SDK2: variants seen among roughly 807,000 people sequenced by gnomAD.
SDK2 encodes the protein protein sidekick-2.
A neutral mutation model predicts 253.9 loss-of-function variants in SDK2; 105 were observed. That is an observed-to-expected ratio of 0.41 (90% confidence interval 0.35 to 0.49). SDK2 has a LOEUF of 0.49. Among genes scored for constraint, SDK2 ranks in the 20% least tolerant of loss-of-function variants. The pLI, the probability that SDK2 is intolerant of heterozygous loss-of-function variation, is 0.06. For synonymous variants in SDK2, 1,249 were observed against 1,234.9 expected, an observed-to-expected ratio of 1.01 and a Z score of -0.24; for missense variants, 2,608 against 3,003.0, an observed-to-expected ratio of 0.87 and a Z score of 3.07.
chr17:73,584,396 G>A (rs1203454837), intron 1 of SDK2, among the ~76,000 whole-genome samples: 1 of 152,190 alleles, frequency 6.6e-6, no homozygotes, highest in Non-Finnish European at 1.5e-5. Context: ...GGCTGGGTGA[G>A]GGTCACCCTC....
At position 73,556,524 on chromosome 17, in the gene SDK2, C is replaced by T. The variant is rs542512555; in HGVS notation, c.65-48927G>A. ...GGTCAGATGTTTATGTACCGTGACT[C>T]ATTTTTGGTAGAGGCATTCACGTTT... On this transcript the variant is annotated intron_variant, in intron 1 of 44. Coordinates refer to ENST00000392650, the MANE Select transcript of SDK2 (RefSeq NM_001144952.2). Among the ~76,000 whole-genome samples, 379 of 152,338 alleles carry T rather than the reference C, an allele frequency of 2.5e-3. 1 individual carries two copies. The highest frequency in any genetic ancestry group is 8.9e-3 in the African/African-American group (369 of 41,580).
intron 1 of SDK2, among the ~76,000 whole-genome samples, chr17:73,545,696 A>G (rs2044952060): frequency 6.6e-6 from 1 of 152,110 alleles, no homozygotes; most frequent in Admixed American, 6.5e-5. Context: ...AATTAATTGA[A>G]GACCCCACTG....
At chr17:73,526,584 G>T (rs181355141) in intron 1 of SDK2, among the ~76,000 whole-genome samples, 1 of 152,168 alleles carries the variant, frequency 6.6e-6, no homozygotes, top group African/African-American at 2.4e-5. Context: ...TCATCTGTGG[G>T]TGGTGGCGAG....
Position 73,361,801 on chromosome 17 carries a change from G to A in SDK2, c.5350C>T (p.Leu1784=). The A allele has an allele frequency of 6.2e-7, 1 of 1,608,530 alleles. No individual in the cohort carries two copies. The highest frequency in any genetic ancestry group is 8.5e-7 in the Non-Finnish European group (1 of 1,177,414). The change falls in exon 39 of 45, where the codon CTG becomes TTG. Residue 1784 remains leucine, a synonymous_variant. Transcript: ENST00000392650. This position sits in a 1 kb window ranked among gnomAD's most constrained non-coding sequence, Gnocchi z 4.1. ...VTVDVKGNSP[L]WLKVKDLAEG... ...GCCAGGTCCTTCACCTTCAGCCACA[G>A]GGGGCTGTTCCCCTTCACGTCCACG...
At chr17:73,461,286 G>C (rs966720255) in intron 3 of SDK2, among the ~76,000 whole-genome samples, 4 of 152,250 alleles carry the variant, frequency 2.6e-5, no homozygotes, top group Non-Finnish European at 5.9e-5. Flanking sequence ...CTCTGGGGTA[G>C]GCACTGAAGG....
intron 2 of SDK2, among the ~76,000 whole-genome samples, chr17:73,505,317 C>G (rs145194222): frequency 1.3e-5 from 2 of 152,296 alleles, no homozygotes; most frequent in African/African-American, 4.8e-5. Flanking sequence ...TTTAACTTCT[C>G]TGAGCTTCAG....
rs139177223 is a variant in SDK2, at chr17:73,425,037, T to C, written c.1584-945A>G. Among the ~76,000 whole-genome samples the C allele has an allele frequency of 3.4e-3, 521 of 152,270 alleles. 2 individuals are homozygous for C. The highest frequency in any genetic ancestry group is 0.012 in the African/African-American group (483 of 41,544). On this transcript the variant is annotated intron_variant, in intron 12 of 44. Coordinates refer to ENST00000392650, the MANE Select transcript of SDK2 (RefSeq NM_001144952.2). The stretch of plus-strand genomic sequence containing the variant: ...GAGTTTGAGACCAGTCTGGCCAACA[T>C]GGCAAAACCCTGTCTCTACTAAAAA...
At chr17:73,561,313 A>T (rs893007778) in intron 1 of SDK2, among the ~76,000 whole-genome samples, 5 of 152,192 alleles carry the variant, frequency 3.3e-5, no homozygotes, top group African/African-American at 1.2e-4. Flanking sequence ...CTCAGCACAG[A>T]TGATGACGAG....
intron 2 of SDK2, 65 bp downstream of exon 2, chr17:73,507,373 T>C: frequency 6.7e-7 from 1 of 1,481,934 alleles, no homozygotes; most frequent in South Asian, 1.3e-5. Context: ...CTCCTCACCA[T>C]GCCCTCTTCA....
At chr17:73,382,132 G>A (rs1049955554) in intron 33 of SDK2, among the ~76,000 whole-genome samples, 1 of 151,542 alleles carries the variant, frequency 6.6e-6, no homozygotes, top group Non-Finnish European at 1.5e-5. Context: ...CAGGAGAATC[G>A]CTTGAACCTG....
intron 1 of SDK2, among the ~76,000 whole-genome samples, chr17:73,603,832 T>G (rs2045873039): frequency 6.6e-6 from 1 of 152,220 alleles, no homozygotes; most frequent in South Asian, 2.1e-4. Flanking sequence ...ACACAGATCC[T>G]GGCACACCTG....
intron 44 of SDK2, among the ~76,000 whole-genome samples, chr17:73,340,705 C>T (rs140753332): frequency 7.5e-6 from 1 of 132,616 alleles, no homozygotes; most frequent in Non-Finnish European, 1.6e-5. Flanking sequence ...AACCAAAGTT[C>T]AGAATTTTCA....
chr17:73,529,062 C>T (rs1278005636), intron 1 of SDK2, among the ~76,000 whole-genome samples: 2 of 152,204 alleles, frequency 1.3e-5, no homozygotes, highest in Non-Finnish European at 2.9e-5. Flanking sequence ...TTTTGTCTAC[C>T]TGAGCCTTCT....
rs116902666 is a variant in SDK2, at chr17:73,481,293, C to G, written c.225-9075G>C. On this transcript the variant is annotated intron_variant, in intron 2 of 44. Transcript: ENST00000392650. This position sits in a 1 kb window ranked among gnomAD's most constrained non-coding sequence, Gnocchi z 4.5. ...GGACTTGGGCACAGTGTGTTCCCCC[C>G]ACCTTCTAGGGAACCTGAGGGTGGA... 3.3e-5 allele frequency among the ~76,000 whole-genome samples: 5 copies of G among 152,112 alleles called. No individual in the cohort carries two copies. Among genetic ancestry groups the G allele is most frequent in the Non-Finnish European group, 7.4e-5 (5 of 68,010 alleles).
intron 32 of SDK2, 55 bp downstream of exon 32, chr17:73,385,792 C>A: frequency 6.6e-7 from 1 of 1,510,298 alleles, no homozygotes; most frequent in East Asian, 2.4e-5. Flanking sequence ...CTTTCCAGTC[C>A]CAGAGCAGAG....
chr17:73,426,065 G>A (rs2063279264), intron 12 of SDK2, among the ~76,000 whole-genome samples: 1 of 151,510 alleles, frequency 6.6e-6, no homozygotes, highest in Admixed American at 6.6e-5. Flanking sequence ...TTTATTTTGA[G>A]ACAGAATCTC....
At chr17:73,544,166 C>T (rs2044918040) in intron 1 of SDK2, among the ~76,000 whole-genome samples, 1 of 152,248 alleles carries the variant, frequency 6.6e-6, no homozygotes, top group Admixed American at 6.5e-5. Context: ...TTTCCACATC[C>T]TTTGCCTTCG....
chr17:73,544,970 C>T (rs1362157669), intron 1 of SDK2, among the ~76,000 whole-genome samples: 1 of 147,388 alleles, frequency 6.8e-6, no homozygotes. Flanking sequence ...CAAGCACACC[C>T]CCTTGTCAAG....
At chr17:73,376,211 T>A (rs2062779654) in intron 36 of SDK2, among the ~76,000 whole-genome samples, 1 of 150,684 alleles carries the variant, frequency 6.6e-6, no homozygotes, top group Non-Finnish European at 1.5e-5. Context: ...AAAAAAAAAT[T>A]CAAACCTCCT....
Sources: allele counts gnomAD v4.1 joint callset (sites outside exome capture counted in the v4.1 genomes callset), GRCh38; gene constraint gnomAD v4.1.1; non-coding constraint Gnocchi (gnomAD v3.1); transcripts MANE v1.5; gene names NCBI Gene and HGNC (gene_info 2026-07-23, HGNC 2026-07-21).